Variants in PID1 observed in about 807,000 individuals in gnomAD.
The protein encoded by PID1 is PTB-containing, cubilin and LRP1-interacting protein.
Under a neutral mutation model 19.1 loss-of-function variants are expected in PID1, and 10 were observed. The observed-to-expected ratio is 0.52, with a 90% CI of 0.32 to 0.89. PID1 has a LOEUF of 0.89. Ranked by LOEUF, PID1 falls within the 40% of genes least tolerant of loss-of-function variation. The pLI, the probability that PID1 is intolerant of heterozygous loss-of-function variation, is 0.03. For synonymous variants in PID1, 130 were observed against 116.0 expected (o/e 1.12, Z -0.78); for missense variants, 248 against 285.3 (o/e 0.87, Z 0.94).
At chr2:229,183,163 G>A (rs1263069241) in intron 1 of PID1, among the ~76,000 whole-genome samples, 1 of 152,150 alleles carries the variant, frequency 6.6e-6, no homozygotes, top group African/African-American at 2.4e-5. Context: ...ACACAGAGAC[G>A]CATGGGAGTA....
chr2:229,152,526 G>T (rs1690278556), intron 2 of PID1, among the ~76,000 whole-genome samples: 1 of 152,250 alleles, frequency 6.6e-6, no homozygotes, highest in African/African-American at 2.4e-5. Context: ...CATCTTGCTA[G>T]ATAGGAGGAG....
chr2:229,212,410 G>T (rs1481168557), intron 1 of PID1, among the ~76,000 whole-genome samples: 3 of 152,096 alleles, frequency 2.0e-5, no homozygotes, highest in Non-Finnish European at 4.4e-5. Flanking sequence ...ACACAACCCA[G>T]GTTCCCATAC....
intron 1 of PID1, among the ~76,000 whole-genome samples, chr2:229,212,438 C>T (rs1008300277): frequency 6.6e-6 from 1 of 152,262 alleles, no homozygotes. Flanking sequence ...ACAGGAAATT[C>T]CCATGAGAAT....
chr2:229,135,462 T>C (rs577980693), intron 2 of PID1, among the ~76,000 whole-genome samples: 194 of 152,298 alleles, frequency 1.3e-3, no homozygotes, highest in Non-Finnish European at 2.0e-3. Flanking sequence ...GAGACAGAAT[T>C]ACACTTACAG....
intron 1 of PID1, among the ~76,000 whole-genome samples, chr2:229,266,426 T>C (rs947655732): frequency 2.1e-5 from 3 of 145,544 alleles, no homozygotes; most frequent in Non-Finnish European, 4.4e-5. Context: ...CAGCAGCTTA[T>C]GTGCCACCAA....
chr2:229,181,989 A>G (rs1690955873), intron 1 of PID1, among the ~76,000 whole-genome samples: 1 of 152,204 alleles, frequency 6.6e-6, no homozygotes, highest in South Asian at 2.1e-4. Context: ...CAATTATAAG[A>G]CATTCTGGAA....
intron 2 of PID1, among the ~76,000 whole-genome samples, chr2:229,089,998 G>A (rs908369768): frequency 1.1e-4 from 17 of 152,102 alleles, no homozygotes; most frequent in East Asian, 3.9e-4. Flanking sequence ...AACAAGTTAC[G>A]TACCCCAAAT....
chr2:229,267,912 T>G (rs911781370), intron 1 of PID1, among the ~76,000 whole-genome samples: 5 of 151,480 alleles, frequency 3.3e-5, no homozygotes, highest in African/African-American at 1.2e-4. Flanking sequence ...TGTATAACAC[T>G]CCTCAATACC....
intron 2 of PID1, among the ~76,000 whole-genome samples, chr2:229,092,148 G>C (rs1294979052): frequency 1.7e-5 from 2 of 120,184 alleles, no homozygotes; most frequent in Non-Finnish European, 3.3e-5. Context: ...TTTCCTACTT[G>C]TCTTGGGTAT....
chr2:229,085,387 C>G (rs1352062734), intron 2 of PID1, among the ~76,000 whole-genome samples: 3 of 152,126 alleles, frequency 2.0e-5, no homozygotes, highest in Non-Finnish European at 4.4e-5. Context: ...ATGACTCTTT[C>G]AAGTCAGGAA....
At chr2:229,259,057 G>GTTT (rs35065323) in intron 1 of PID1, among the ~76,000 whole-genome samples, 4 of 136,944 alleles carry the variant, frequency 2.9e-5, no homozygotes, top group Admixed American at 7.2e-5. Flanking sequence ...CAAGGTCGTA[G>GTTT]TTTTTTTTTT....
intron 2 of PID1, among the ~76,000 whole-genome samples, chr2:229,105,666 T>C (rs1231239030): frequency 6.6e-6 from 1 of 152,230 alleles, no homozygotes; most frequent in African/African-American, 2.4e-5. Flanking sequence ...AAGGGCTCTA[T>C]GTGCATCATT....
At chr2:229,052,182 T>C (rs930381439) in intron 2 of PID1, among the ~76,000 whole-genome samples, 1 of 152,216 alleles carries the variant, frequency 6.6e-6, no homozygotes, top group African/African-American at 2.4e-5. Flanking sequence ...GGAATAAACA[T>C]AATTTATATG....
chr2:229,241,683 A>T (rs1574752002), intron 1 of PID1, among the ~76,000 whole-genome samples: 1 of 152,116 alleles, frequency 6.6e-6, no homozygotes, highest in African/African-American at 2.4e-5. Context: ...ATTTTCCCCC[A>T]TATGGTCAGA....
chr2:229,186,084 C>A (rs755197421), intron 1 of PID1, among the ~76,000 whole-genome samples: 3 of 152,166 alleles, frequency 2.0e-5, no homozygotes, highest in Non-Finnish European at 2.9e-5. Flanking sequence ...ATGCCCCATG[C>A]AAGTCTGAAA....
chr2:229,076,025 C>G (rs528994616), intron 2 of PID1, among the ~76,000 whole-genome samples: 1 of 152,142 alleles, frequency 6.6e-6, no homozygotes, highest in Non-Finnish European at 1.5e-5. Context: ...CTATGCCATA[C>G]CATTGATCAA....
At chr2:229,096,336 T>G (rs1219906618) in intron 2 of PID1, among the ~76,000 whole-genome samples, 2 of 152,192 alleles carry the variant, frequency 1.3e-5, no homozygotes. Context: ...TGCCACTTTT[T>G]GGACAGTGCC....
chr2:229,057,536 T>C (rs773451610), intron 2 of PID1, among the ~76,000 whole-genome samples: 27 of 151,908 alleles, frequency 1.8e-4, no homozygotes, highest in Non-Finnish European at 2.5e-4. Context: ...AAAATAAAGA[T>C]ATGCACTGCA....
At chr2:229,196,958 C>G (rs948775112) in intron 1 of PID1, among the ~76,000 whole-genome samples, 2 of 150,454 alleles carry the variant, frequency 1.3e-5, no homozygotes, top group African/African-American at 4.9e-5. Context: ...AATAAATGGA[C>G]AAGCATATAG....
Sources: allele counts gnomAD v4.1 joint callset (sites outside exome capture counted in the v4.1 genomes callset), GRCh38; gene constraint gnomAD v4.1.1; transcripts MANE v1.5; gene names NCBI Gene and HGNC (gene_info 2026-07-23, HGNC 2026-07-21).